RAP2C: variants seen among roughly 807,000 people sequenced by gnomAD.
The protein encoded by RAP2C is ras-related protein Rap-2c.
RAP2C carries 3 observed loss-of-function variants against 8.9 expected under a neutral mutation model. The observed-to-expected ratio is 0.34, with a 90% CI of 0.15 to 0.87. The LOEUF (loss-of-function observed/expected upper bound fraction) is 0.87. RAP2C is among the 40% of genes least tolerant of loss of function. The pLI is 0.51. For synonymous variants in RAP2C, 60 were observed against 52.1 expected, an observed-to-expected ratio of 1.15 and a Z score of -0.65; for missense variants, 76 against 133.7, an observed-to-expected ratio of 0.57 and a Z score of 2.13.
chrX:132,212,060 T>C (rs1249359868), intron 5 of RAP2C, among the ~76,000 whole-genome samples: 6 of 109,609 alleles, frequency 5.5e-5, no homozygotes, highest in African/African-American at 2.0e-4. Context: ...AAAAAAAACC[T>C]GCATATAGTG....
At chrX:132,212,700 T>G (rs1201067052) in intron 5 of RAP2C, among the ~76,000 whole-genome samples, 1 of 112,148 alleles carries the variant, frequency 8.9e-6, no homozygotes, top group African/African-American at 3.2e-5. Flanking sequence ...CTTGTTCAAT[T>G]GTGAAGCTGG....
intron 5 of RAP2C, among the ~76,000 whole-genome samples, chrX:132,210,540 T>TATAATGAACTGGGGCTGACATAA (rs1930400029): frequency 8.9e-6 from 1 of 111,760 alleles, no homozygotes; most frequent in Non-Finnish European, 1.9e-5. Flanking sequence ...GGCTGAAATA[T>TATAATGAACTGGGGCTGACATAA]ATAATGAACT....
rs1188062062 is a variant in RAP2C at position 132,217,960 on chromosome X, C to T, written c.-583G>A. On this transcript the variant is annotated 5_prime_UTR_variant, in exon 3 of 6. Transcript: ENST00000370874. ...CGGCCGCCGGGGAGGCTCTGTCACG[C>T]CAAGGCCATGGCCACCCGCTGGCTC... is the stretch of plus-strand genomic sequence containing the variant. The T allele has an allele frequency of 1.8e-5, 2 of 111,773 alleles. No homozygotes were observed. The highest frequency in any genetic ancestry group is 3.8e-5 in the Non-Finnish European group (2 of 52,820). 9.2% of individuals were successfully genotyped at this position (111,773 alleles called of 1,213,427 possible).
chrX:132,215,805 A>G (rs1930562914), intron 4 of RAP2C, among the ~76,000 whole-genome samples: 1 of 111,108 alleles, frequency 9.0e-6, no homozygotes, highest in Non-Finnish European at 1.9e-5. Context: ...TTATGATACT[A>G]TTGTTTGGGA....
rs1414133733 is a variant in RAP2C, at chrX:132,205,416, C to T, written c.*206G>A. On this transcript the variant is annotated 3_prime_UTR_variant, in exon 6 of 6. Transcript: ENST00000370874. ...GGATTTTAAACGTATGGTAAACGTG[C>T]TAAGCATTCCTGTTTAAGGTCGATG... 1 of 111,914 alleles carries T rather than the reference C, an allele frequency of 8.9e-6. No homozygotes were observed. Among genetic ancestry groups the T allele is most frequent in the Non-Finnish European group, 1.9e-5 (1 of 53,138 alleles). 9.2% of individuals were successfully genotyped at this position (111,914 alleles called of 1,213,427 possible).
intron 5 of RAP2C, among the ~76,000 whole-genome samples, chrX:132,209,297 C>T (rs946918291): frequency 9.0e-6 from 1 of 111,532 alleles, no homozygotes; most frequent in African/African-American, 3.3e-5. Context: ...ATGATTAGTT[C>T]AATTCTGAGA....
At chrX:132,209,487 T>C (rs947153126) in intron 5 of RAP2C, among the ~76,000 whole-genome samples, 1 of 112,106 alleles carries the variant, frequency 8.9e-6, no homozygotes, top group African/African-American at 3.2e-5. Flanking sequence ...GAGTATGTTT[T>C]TGATTGGATA....
intron 5 of RAP2C, among the ~76,000 whole-genome samples, chrX:132,210,094 C>T (rs1347412912): frequency 9.0e-6 from 1 of 111,228 alleles, no homozygotes; most frequent in East Asian, 2.8e-4. Flanking sequence ...GCCATTTTCC[C>T]CATTCAAAGT....
intron 5 of RAP2C, among the ~76,000 whole-genome samples, chrX:132,208,644 T>C (rs1465084599): frequency 9.1e-6 from 1 of 109,936 alleles, no homozygotes; most frequent in Non-Finnish European, 1.9e-5. Context: ...TAATAAAACA[T>C]TAAAATTATT....
intron 5 of RAP2C, among the ~76,000 whole-genome samples, 178 bp downstream of exon 5, chrX:132,213,956 C>T (rs750419250): frequency 1.8e-3 from 205 of 112,285 alleles, no homozygotes; most frequent in Non-Finnish European, 3.2e-3. Context: ...CTTTGCTTAT[C>T]TGCATTTAAA....
At position 132,219,362 on chromosome X, in the gene RAP2C, T is replaced by A. The variant is rs1022275050; in HGVS notation, c.-746+8A>T. On this transcript the variant is annotated splice_region_variant and intron_variant, in intron 1 of 5. Coordinates refer to ENST00000370874, the MANE Select transcript of RAP2C (RefSeq NM_001271186.2). ...GTCCCTCCCTGAGTATTCCCCAATG[T>A]CACTTACAGTCTTCAAAGGAGAGTT... The A allele has an allele frequency of 1.8e-5, 2 of 112,332 alleles. No individual in the cohort carries two copies. The highest frequency in any genetic ancestry group is 6.5e-5 in the African/African-American group (2 of 30,860). The allele number at this position is 112,332 out of a possible 1,213,427, so 9.3% of individuals were successfully genotyped here. A position where few individuals can be genotyped will look rare whatever the true frequency, so the allele number is the denominator to read the frequency against.
intron 5 of RAP2C, among the ~76,000 whole-genome samples, chrX:132,208,562 G>A (rs1309277173): frequency 5.5e-5 from 6 of 109,276 alleles, no homozygotes; most frequent in African/African-American, 2.0e-4. Context: ...ATCATCAAAA[G>A]TGCTATTTTA....
chrX:132,214,211 G>A lies in RAP2C; in HGVS notation c.509C>T (p.Pro170Leu). Residue 170 changes from proline (P) to leucine (L), a missense_variant, in exon 5 of 6, where the codon CCG (proline) becomes CTG (leucine). Coordinates refer to ENST00000370874, the MANE Select transcript of RAP2C (RefSeq NM_001271186.2). ...TGTACAACACTGATCTTGCTTCTCC[G>A]GCAGGGATGAATAGTTCATTTGCCT... ...IVRQMNYSSLPEKQDQCCTTC... is the reference protein window; with the variant it reads ...IVRQMNYSSLLEKQDQCCTTC... 8.3e-7 allele frequency: 1 copy of A among 1,211,369 alleles called. No individual in the cohort carries two copies. Among genetic ancestry groups the A allele is most frequent in the African/African-American group, 1.7e-5 (1 of 57,717 alleles).
chrX:132,215,689 A>C (rs1171681287), intron 4 of RAP2C, among the ~76,000 whole-genome samples: 1 of 111,881 alleles, frequency 8.9e-6, no homozygotes, highest in African/African-American at 3.3e-5. Flanking sequence ...CTCAGCCTCC[A>C]GAGAGTAAGC....
At chrX:132,210,134 GAACT>G (rs905082861) in intron 5 of RAP2C, among the ~76,000 whole-genome samples, 8 of 110,938 alleles carry the variant, frequency 7.2e-5, no homozygotes, top group African/African-American at 2.6e-4. Flanking sequence ...GGGAAAAAAA[GAACT>G]ATCTAACAAA....
intron 4 of RAP2C, among the ~76,000 whole-genome samples, chrX:132,215,622 A>G (rs780467843): frequency 9.0e-6 from 1 of 111,526 alleles, no homozygotes; most frequent in South Asian, 3.7e-4. Flanking sequence ...CTCCCAATTC[A>G]TGTCTATAAC....
At position 132,214,424 on chromosome X, in the gene RAP2C, T is replaced by C; in HGVS notation, c.296A>G (p.Gln99Arg). 1 of 1,210,792 alleles carries C rather than the reference T, an allele frequency of 8.3e-7. No individual in the cohort carries two copies. The highest frequency in any genetic ancestry group is 1.8e-5 in the South Asian group (1 of 56,833). Residue 99 changes from glutamine to arginine, a missense_variant, in exon 5 of 6, where the codon CAA becomes CGA. Transcript: ENST00000370874. ...TTCATATCTCTTCACTCTGACAATT[T>C]GATCTCTCATTGGCTTGATATCCTA... ...SFQDIKPMRD[Q>R]IVRVKRYEKV...
intron 5 of RAP2C, among the ~76,000 whole-genome samples, chrX:132,208,992 G>A (rs1243802453): frequency 9.0e-6 from 1 of 111,719 alleles, no homozygotes. Flanking sequence ...TCTGATACAG[G>A]TTATGTTTTT....
intron 4 of RAP2C, among the ~76,000 whole-genome samples, chrX:132,216,068 C>T (rs771520803): frequency 2.0e-4 from 22 of 112,152 alleles, no homozygotes; most frequent in South Asian, 1.1e-3. Flanking sequence ...ATATCCATTT[C>T]CTAAATCAAT....
Sources: gnomAD v4.1 joint callset for allele counts (sites outside exome capture counted in the v4.1 genomes callset) on GRCh38, gnomAD v4.1.1 for gene constraint, MANE v1.5 for transcripts, NCBI Gene and HGNC (gene_info 2026-07-23, HGNC 2026-07-21) for gene names.